Variants in DYRK1A observed in about 807,000 individuals in gnomAD.
DYRK1A encodes the protein dual specificity tyrosine-phosphorylation-regulated kinase 1A.
DYRK1A carries 9 observed loss-of-function variants against 79.7 expected under a neutral mutation model. The ratio of observed to expected loss-of-function variants is 0.11; its 90% CI spans 0.07 to 0.20. The LOEUF is 0.20. Among genes scored for constraint, DYRK1A ranks in the 10% least tolerant of loss-of-function variants. DYRK1A has a pLI of 1.00. For missense variants in DYRK1A, 622 were observed against 956.0 expected (o/e 0.65, Z 4.61); for synonymous variants, 349 against 329.7 (o/e 1.06, Z -0.63).
chr21:37,472,599 T>C, intron 2 of DYRK1A, 85 bp from the exon 3 acceptor site: 1 of 1,201,138 alleles, frequency 8.3e-7, no homozygotes, highest in Admixed American at 2.6e-5. Flanking sequence ...CCTAAAGTTC[T>C]TATTTAAGGA....
intron 1 of DYRK1A, among the ~76,000 whole-genome samples, chr21:37,376,977 T>C (rs2049556085): frequency 6.6e-6 from 1 of 152,176 alleles, no homozygotes; most frequent in Non-Finnish European, 1.5e-5. Flanking sequence ...TGTATTGTGT[T>C]AGAAAACTAT....
chr21:37,491,318 T>C (rs1406595710), intron 7 of DYRK1A, among the ~76,000 whole-genome samples: 1 of 152,184 alleles, frequency 6.6e-6, no homozygotes, highest in East Asian at 1.9e-4. Context: ...TTGAAAGGAA[T>C]TAGTGTCACC....
intron 1 of DYRK1A, among the ~76,000 whole-genome samples, chr21:37,390,788 T>C (rs2049855623): frequency 6.6e-6 from 1 of 152,204 alleles, no homozygotes; most frequent in South Asian, 2.1e-4. Context: ...CAGGCTGGTT[T>C]CGAACTCCTG....
At chr21:37,435,385 C>T (rs1031231714) in intron 2 of DYRK1A, among the ~76,000 whole-genome samples, 6 of 152,130 alleles carry the variant, frequency 3.9e-5, no homozygotes, top group Admixed American at 2.6e-4. Context: ...ATTGTGTTGC[C>T]TGGTGAGAGA....
At chr21:37,465,523 C>T (rs2051996181) in intron 2 of DYRK1A, among the ~76,000 whole-genome samples, 1 of 152,122 alleles carries the variant, frequency 6.6e-6, no homozygotes, top group South Asian at 2.1e-4. Flanking sequence ...GTATTGGCAT[C>T]ATCTGATGAC....
chr21:37,501,624 G>A (rs1378437417), intron 9 of DYRK1A: 1 of 152,152 alleles, frequency 6.6e-6, no homozygotes, highest in Non-Finnish European at 1.5e-5. Flanking sequence ...GTCACAGAAC[G>A]TGATTTTAGT....
At chr21:37,475,431 A>T (rs1569357409) in intron 3 of DYRK1A, among the ~76,000 whole-genome samples, 1 of 152,220 alleles carries the variant, frequency 6.6e-6, no homozygotes, top group Admixed American at 6.5e-5. Context: ...GAGTGTTAGT[A>T]TAGATATATA....
intron 1 of DYRK1A, among the ~76,000 whole-genome samples, chr21:37,399,627 A>G (rs747565800): frequency 1.3e-5 from 2 of 152,212 alleles, no homozygotes; most frequent in Non-Finnish European, 2.9e-5. Context: ...CTTTCTAGAC[A>G]GGTACTACTG....
At chr21:37,427,791 GC>G (rs1282070898) in intron 2 of DYRK1A, among the ~76,000 whole-genome samples, 1 of 152,048 alleles carries the variant, frequency 6.6e-6, no homozygotes, top group Non-Finnish European at 1.5e-5. Flanking sequence ...TAAAATGTTT[GC>G]CAATTCAATA....
chr21:37,456,972 C>T (rs2148515653), intron 2 of DYRK1A, among the ~76,000 whole-genome samples: 1 of 152,198 alleles, frequency 6.6e-6, no homozygotes, highest in South Asian at 2.1e-4. Flanking sequence ...ACTGAGAATA[C>T]TTTCTGGTTT....
intron 1 of DYRK1A, among the ~76,000 whole-genome samples, chr21:37,417,544 T>TCTTTTTCTTTTTC (rs1569304704): frequency 4.7e-5 from 6 of 127,504 alleles, no homozygotes; most frequent in Non-Finnish European, 6.9e-5. Flanking sequence ...TTTTTTTTTT[T>TCTTTTTCTTTTTC]TTTTTTTTTT....
intron 1 of DYRK1A, among the ~76,000 whole-genome samples, chr21:37,387,873 T>G (rs1218637081): frequency 6.6e-6 from 1 of 152,222 alleles, no homozygotes; most frequent in South Asian, 2.1e-4. Context: ...CTTCATGGCC[T>G]TCTAGCTTCA....
chr21:37,403,671 G>A (rs201999646), intron 1 of DYRK1A, among the ~76,000 whole-genome samples: 8,117 of 86,546 alleles, frequency 0.094, 365 homozygotes, highest in East Asian at 0.19. Flanking sequence ...ATATGTGTGT[G>A]TGTGTGTGTG....
At position 37,514,094 on chromosome 21, in the gene DYRK1A, A is replaced by G. The variant is rs1251911045; in HGVS notation, c.*1563A>G. 1 of 152,672 alleles carries G rather than the reference A, an allele frequency of 6.5e-6. No homozygotes were observed. Among genetic ancestry groups the G allele is most frequent in the East Asian group, 1.9e-4 (1 of 5,204 alleles). The allele number at this position is 152,672 out of a possible 1,614,324, so 9.5% of individuals were successfully genotyped here. A position where few individuals can be genotyped will look rare whatever the true frequency, so the allele number is the denominator to read the frequency against. ...GCTTCTGAAGGTAAAGGGACACTGG[A>G]TCCAGAAGCTATGGAACCAGCAGTT... On this transcript the variant is annotated 3_prime_UTR_variant, in exon 12 of 12. Coordinates refer to ENST00000647188, the MANE Select transcript of DYRK1A (RefSeq NM_001347721.2).
chr21:37,464,090 G>T (rs1308690158), intron 2 of DYRK1A, among the ~76,000 whole-genome samples: 1 of 152,066 alleles, frequency 6.6e-6, no homozygotes, highest in Non-Finnish European at 1.5e-5. Flanking sequence ...AGCTACGTGT[G>T]GGTTATGTAT....
intron 1 of DYRK1A, among the ~76,000 whole-genome samples, chr21:37,400,382 T>C (rs968378206): frequency 3.3e-5 from 5 of 152,210 alleles, no homozygotes; most frequent in Non-Finnish European, 7.3e-5. Flanking sequence ...AGATATCTTT[T>C]GGTGGACCAT....
intron 1 of DYRK1A, among the ~76,000 whole-genome samples, chr21:37,392,270 C>A (rs1250510421): frequency 3.3e-5 from 5 of 152,204 alleles, no homozygotes; most frequent in Non-Finnish European, 7.3e-5. Context: ...GATGTCATCT[C>A]CTGTAGTCTT....
rs1223590851 is a variant in DYRK1A, at chr21:37,521,954, G to A, written c.*9423G>A. The A allele has an allele frequency of 6.6e-6, 1 of 152,268 alleles. No individual in the cohort carries two copies. Among genetic ancestry groups the A allele is most frequent in the Non-Finnish European group, 1.5e-5 (1 of 68,094 alleles). 9.4% of individuals were successfully genotyped at this position (152,268 alleles called of 1,614,324 possible). On this transcript the variant is annotated 3_prime_UTR_variant, in exon 12 of 12. Coordinates refer to ENST00000647188, the MANE Select transcript of DYRK1A (RefSeq NM_001347721.2). ...CGGTAGGCATCTGAAAGAATGGATG[G>A]AGGAGGGGAAAGTCGGGCCTGGGAA...
rs543002215 is a variant in DYRK1A, at chr21:37,402,624, A to T, written c.-76-17675A>T. On this transcript the variant is annotated intron_variant, in intron 1 of 11. Coordinates refer to ENST00000647188, the MANE Select transcript of DYRK1A (RefSeq NM_001347721.2). Reference sequence around the variant, plus strand: ...TAAGCTATGGTTTCTTCAGATATTTATCCCTTTTTTTTTCTGTGACTTTAT... The same window carrying T: ...TAAGCTATGGTTTCTTCAGATATTTTTCCCTTTTTTTTTCTGTGACTTTAT... Among the ~76,000 whole-genome samples, 8 of 152,022 alleles carry T rather than the reference A, an allele frequency of 5.3e-5. No homozygotes were observed. In the South Asian group the frequency reaches 1.2e-3, roughly 24 times the overall value.
Sources: gnomAD v4.1 joint callset for allele counts (sites outside exome capture counted in the v4.1 genomes callset) on GRCh38, gnomAD v4.1.1 for gene constraint, MANE v1.5 for transcripts, NCBI Gene and HGNC (gene_info 2026-07-23, HGNC 2026-07-21) for gene names.